Variants in STS observed in about 807,000 individuals in gnomAD.
STS encodes steryl-sulfatase.
STS carries 7 observed loss-of-function variants against 26.8 expected under a neutral mutation model. The ratio of observed to expected loss-of-function variants is 0.26; its 90% CI spans 0.15 to 0.49. STS has a LOEUF of 0.49. STS is among the 20% of genes least tolerant of loss of function. STS has a pLI of 0.98. For missense variants in STS, 434 were observed against 465.6 expected (o/e 0.93, Z 0.63); for synonymous variants, 199 against 189.4 (o/e 1.05, Z -0.42).
At chrX:7,344,024 C>T (rs1177048627) in intron 10 of STS, among the ~76,000 whole-genome samples, 2 of 111,985 alleles carry the variant, frequency 1.8e-5, no homozygotes, top group African/African-American at 3.2e-5. Flanking sequence ...TTTATCACCA[C>T]GCCTTGGGAC....
At chrX:7,285,653 A>G (rs1464868330) in intron 7 of STS, among the ~76,000 whole-genome samples, 1 of 112,105 alleles carries the variant, frequency 8.9e-6, no homozygotes, top group Non-Finnish European at 1.9e-5. Flanking sequence ...TTCATTACAC[A>G]TGTTCTAGCA....
chrX:7,198,136 AC>A (rs1403715451), intron 2 of STS, among the ~76,000 whole-genome samples: 4 of 111,677 alleles, frequency 3.6e-5, no homozygotes, highest in African/African-American at 1.3e-4. Context: ...AATTGAATGC[AC>A]ACAGAGCCAG....
intron 2 of STS, among the ~76,000 whole-genome samples, chrX:7,233,648 T>C (rs185130798): frequency 1.3e-3 from 147 of 111,715 alleles, no homozygotes; most frequent in Non-Finnish European, 2.3e-3. Flanking sequence ...CAATTTATGA[T>C]CCCTGAAAAA....
intron 7 of STS, among the ~76,000 whole-genome samples, chrX:7,285,178 A>C (rs1301315346): frequency 5.4e-5 from 6 of 111,171 alleles, no homozygotes; most frequent in African/African-American, 2.0e-4. Context: ...AGATTAAAGT[A>C]AGTTGCCCAA....
At chrX:7,205,187 G>C (rs1348427566) in intron 2 of STS, among the ~76,000 whole-genome samples, 2 of 112,455 alleles carry the variant, frequency 1.8e-5, no homozygotes, top group Non-Finnish European at 1.9e-5. Context: ...CTCTTAGCAG[G>C]TGTTTCTCCT....
chrX:7,226,158 A>AC (rs1921796323), intron 2 of STS, among the ~76,000 whole-genome samples: 1 of 111,871 alleles, frequency 8.9e-6, no homozygotes, highest in East Asian at 2.8e-4. Context: ...TCTAATCAAT[A>AC]CCCCAGCCAG....
chrX:7,205,378 G>C (rs1244598634), intron 2 of STS, among the ~76,000 whole-genome samples: 2 of 111,676 alleles, frequency 1.8e-5, no homozygotes, highest in African/African-American at 6.5e-5. Flanking sequence ...TATTACATGT[G>C]AGAGTGCAAC....
At chrX:7,333,209 G>T (rs1366818745) in intron 9 of STS, among the ~76,000 whole-genome samples, 1 of 112,166 alleles carries the variant, frequency 8.9e-6, no homozygotes, top group Non-Finnish European at 1.9e-5. Context: ...CATTTTGATG[G>T]CAATGGCCTA....
intron 10 of STS, among the ~76,000 whole-genome samples, chrX:7,339,716 A>G (rs1330257139): frequency 8.9e-6 from 1 of 111,988 alleles, no homozygotes; most frequent in Non-Finnish European, 1.9e-5. Context: ...TTTATTTTAT[A>G]TCATTATCAT....
chrX:7,350,013 C>A lies in STS; in HGVS notation c.1489C>A (p.Leu497Ile), dbSNP rs772116306. The change falls in exon 11 of 11, where the codon CTC becomes ATC. Residue 497 changes from leucine (L) to isoleucine (I), a missense_variant. By Grantham distance (5) the Leu-to-Ile change is conservative. Transcript: ENST00000674429. The part of the protein sequence containing the change: ...SYVTHHDPPL[L>I]FDISKDPRER... ...TGTCACCCATCACGACCCACCTTTA[C>A]TCTTTGATATTTCCAAAGATCCCAG... is the stretch of plus-strand genomic sequence containing the variant. 1 of 1,211,945 alleles carries A rather than the reference C, an allele frequency of 8.3e-7. No homozygotes were observed. The highest frequency in any genetic ancestry group is 3.0e-5 in the East Asian group (1 of 33,839).
intron 1 of STS, among the ~76,000 whole-genome samples, chrX:7,152,051 C>T (rs1018493527): frequency 9.0e-6 from 1 of 110,968 alleles, no homozygotes; most frequent in East Asian, 2.8e-4. Context: ...CTCTCGGGTT[C>T]ACGCCGTTCT....
In STS at chrX:7,350,559, AAGCAG is replaced by A; in HGVS notation, c.*300_*304del. On this transcript the variant is annotated 3_prime_UTR_variant, in exon 11 of 11. Coordinates refer to ENST00000674429, the MANE Select transcript of STS (RefSeq NM_001320752.2). ...GGGCATTCACAAGGCACACCAGTGCAAGCAGATGACAAAAAGGTGCAGAAGGCAAT... is the reference window on the plus strand; with the variant it reads ...GGGCATTCACAAGGCACACCAGTGCAATGACAAAAAGGTGCAGAAGGCAAT... 1 of 328,116 alleles carries A rather than the reference AAGCAG, an allele frequency of 3.0e-6. No individual in the cohort carries two copies. The highest frequency in any genetic ancestry group is 5.3e-6 in the Non-Finnish European group (1 of 188,442). 27.0% of individuals were successfully genotyped at this position (328,116 alleles called of 1,213,427 possible).
intron 2 of STS, among the ~76,000 whole-genome samples, chrX:7,250,718 C>G (rs941811549): frequency 8.9e-5 from 10 of 112,368 alleles, no homozygotes; most frequent in Non-Finnish European, 1.5e-4. Flanking sequence ...ATTCAAGATA[C>G]CAGATATATG....
chrX:7,259,786 T>C lies in STS; in HGVS notation c.806+14T>C. On this transcript the variant is annotated intron_variant, in intron 6 of 10. Coordinates refer to ENST00000674429, the MANE Select transcript of STS (RefSeq NM_001320752.2). Reference sequence around the variant, plus strand: ...GTTCATACAGCGGTGGGTATTGCCTTGTCCTCTGATGCTGCCTGTTAAAAA... The same window carrying C: ...GTTCATACAGCGGTGGGTATTGCCTCGTCCTCTGATGCTGCCTGTTAAAAA... The C allele has an allele frequency of 8.3e-7, 1 of 1,205,845 alleles. No homozygotes were observed. The highest frequency in any genetic ancestry group is 1.1e-6 in the Non-Finnish European group (1 of 892,780).
chrX:7,231,444 C>G (rs1480584377), intron 2 of STS, among the ~76,000 whole-genome samples: 1 of 111,688 alleles, frequency 9.0e-6, no homozygotes, highest in Admixed American at 9.5e-5. Context: ...GTTCACTGGT[C>G]CCTTTGGCTT....
chrX:7,324,147 G>T (rs1277026584), intron 8 of STS, among the ~76,000 whole-genome samples: 1 of 109,889 alleles, frequency 9.1e-6, no homozygotes, highest in Non-Finnish European at 1.9e-5. Context: ...AGTCTGGAAA[G>T]GTAGCATGAG....
At chrX:7,343,682 G>A (rs1928393894) in intron 10 of STS, among the ~76,000 whole-genome samples, 1 of 111,533 alleles carries the variant, frequency 9.0e-6, no homozygotes, top group Non-Finnish European at 1.9e-5. Flanking sequence ...CAAGTCAGTG[G>A]CAGGAAAAAC....
chrX:7,178,237 A>C (rs1405209366), intron 1 of STS, among the ~76,000 whole-genome samples: 1 of 112,499 alleles, frequency 8.9e-6, no homozygotes, highest in African/African-American at 3.2e-5. Context: ...ATAATCAGAC[A>C]TGTGCAAAAG....
chrX:7,323,107 A>G (rs1194249648), intron 8 of STS, among the ~76,000 whole-genome samples: 1 of 112,075 alleles, frequency 8.9e-6, no homozygotes, highest in East Asian at 2.8e-4. Flanking sequence ...GTGGAAACAT[A>G]GTGGGAATAT....
Sources: gnomAD v4.1 joint callset for allele counts (sites outside exome capture counted in the v4.1 genomes callset) on GRCh38, gnomAD v4.1.1 for gene constraint, MANE v1.5 for transcripts, NCBI Gene and HGNC (gene_info 2026-07-23, HGNC 2026-07-21) for gene names.